The following GLB1L2 variants were observed in gnomAD, a reference collection of about 807,000 sequenced individuals.
GLB1L2 encodes beta-galactosidase-1-like protein 2.
A neutral mutation model predicts 84.1 loss-of-function variants in GLB1L2; 68 were observed. That is an observed-to-expected ratio of 0.81 (90% confidence interval 0.67 to 0.99). The LOEUF (loss-of-function observed/expected upper bound fraction) is 0.99, where lower values mean the gene tolerates loss of function less well. GLB1L2 is among the 50% of genes least tolerant of loss of function. The pLI is 0.00. For synonymous variants in GLB1L2, 290 were observed against 318.0 expected (o/e 0.91, Z 0.94); for missense variants, 762 against 805.6 (o/e 0.95, Z 0.66).
chr11:134,371,860 T>C (rs771781124), intron 15 of GLB1L2, 30 bp downstream of exon 15: 2 of 1,598,274 alleles, frequency 1.3e-6, no homozygotes, highest in African/African-American at 1.3e-5. Flanking sequence ...AAAAGAAGAG[T>C]GGCCATGCTG....
intron 5 of GLB1L2, among the ~76,000 whole-genome samples, chr11:134,351,384 T>G (rs899245159): frequency 1.3e-5 from 2 of 151,294 alleles, no homozygotes; most frequent in South Asian, 4.2e-4. Flanking sequence ...TCCCTCTTGT[T>G]GCTCAGGCTG....
In GLB1L2 at chr11:134,338,997, A is replaced by C. The variant is rs1943428139; in HGVS notation, c.87-3757A>C. Among the ~76,000 whole-genome samples the C allele has an allele frequency of 6.6e-6, 1 of 152,196 alleles. No individual in the cohort carries two copies. Among genetic ancestry groups the C allele is most frequent in the Non-Finnish European group, 1.5e-5 (1 of 68,026 alleles). ...TAAGGTGGAAAAATCGCTTTGGATA[A>C]ATGAAGCCGAGATACATAGGCAACA... On this transcript the variant is annotated intron_variant, in intron 1 of 18. Transcript: ENST00000535456. This position sits in a 1 kb window ranked among gnomAD's most constrained non-coding sequence, Gnocchi z 6.2.
rs1481289550 is a variant in GLB1L2 at position 134,371,737 on chromosome 11, C to T, written c.1429-15C>T. 1 of 1,613,676 alleles carries T rather than the reference C, an allele frequency of 6.2e-7. No homozygotes were observed. The highest frequency in any genetic ancestry group is 1.7e-5 in the Admixed American group (1 of 60,006). On this transcript the variant is annotated splice_polypyrimidine_tract_variant and intron_variant, in intron 14 of 18. Transcript: ENST00000535456. ...GGCCTTCTGACAGTCATCGTTAGCC[C>T]CGTGTTCCCGGCAGGGTTACACCGT...
At position 134,374,786 on chromosome 11, in the gene GLB1L2, G is replaced by A. The variant is rs560571166; in HGVS notation, c.1824+68G>A. On this transcript the variant is annotated intron_variant, in intron 18 of 18. Transcript: ENST00000535456. ...CCACCTGCCGTCCCAGGGAGCCTTCGGTCAGGGTGGAGGGGCGTGTCAGCG... is the reference window on the plus strand; with the variant it reads ...CCACCTGCCGTCCCAGGGAGCCTTCAGTCAGGGTGGAGGGGCGTGTCAGCG... 1.1e-5 allele frequency: 15 copies of A among 1,363,252 alleles called. No individual in the cohort carries two copies. The East Asian group carries it at 1.6e-4, about 15-fold the overall frequency. 84.4% of individuals were successfully genotyped at this position (1,363,252 alleles called of 1,614,324 possible). A position where few individuals can be genotyped will look rare whatever the true frequency, so the allele number is the denominator to read the frequency against.
At chr11:134,332,188 TC>T in intron 1 of GLB1L2, 41 bp downstream of exon 1, 2 of 1,358,916 alleles carry the variant, frequency 1.5e-6, no homozygotes, top group Non-Finnish European at 2.0e-6. Flanking sequence ...GACCCCACAT[TC>T]CCCAGCCCTC....
chr11:134,342,711 C>T (rs1416156069), intron 1 of GLB1L2, 43 bp from the exon 2 acceptor site: 5 of 1,576,718 alleles, frequency 3.2e-6, no homozygotes, highest in Admixed American at 3.5e-5. Flanking sequence ...GATCTCTCTG[C>T]GGCCCGGAGC....
intron 6 of GLB1L2, among the ~76,000 whole-genome samples, chr11:134,358,825 G>A (rs929489303): frequency 2.0e-5 from 3 of 152,276 alleles, no homozygotes; most frequent in Non-Finnish European, 4.4e-5. Context: ...GCAACCAGGG[G>A]CTGCCCTAGT....
intron 9 of GLB1L2, among the ~76,000 whole-genome samples, chr11:134,367,997 G>A (rs79893499): frequency 0.16 from 24,289 of 152,050 alleles, 1,979 homozygotes; most frequent in African/African-American, 0.18. Context: ...CCTCGGCACC[G>A]TGTAGATGTG....
At chr11:134,336,252 T>C (rs1054853452) in intron 1 of GLB1L2, among the ~76,000 whole-genome samples, 1 of 152,140 alleles carries the variant, frequency 6.6e-6, no homozygotes, top group Admixed American at 6.5e-5. Flanking sequence ...ATTTTGTGAG[T>C]AGGCAATTAA....
At chr11:134,372,186 A>G (rs1943963346) in intron 15 of GLB1L2, among the ~76,000 whole-genome samples, 1 of 152,210 alleles carries the variant, frequency 6.6e-6, no homozygotes, top group Admixed American at 6.5e-5. Context: ...GGAAAGGCAC[A>G]AGACCCCTGC....
chr11:134,363,907 T>C (rs1459778201), intron 7 of GLB1L2, among the ~76,000 whole-genome samples: 1 of 152,176 alleles, frequency 6.6e-6, no homozygotes, highest in Non-Finnish European at 1.5e-5. Flanking sequence ...AGACACAGTC[T>C]CACTCTGTCA....
At chr11:134,359,245 C>T (rs1943749544) in intron 7 of GLB1L2, 104 bp downstream of exon 7, 1 of 741,520 alleles carries the variant, frequency 1.3e-6, no homozygotes, top group South Asian at 1.9e-5. Context: ...TCTCTGGTGC[C>T]TGTTATTCTC....
chr11:134,332,137 G>A lies in GLB1L2; in HGVS notation c.76G>A (p.Val26Met), dbSNP rs145833926. 1.5e-5 allele frequency: 23 copies of A among 1,577,022 alleles called. No homozygotes were observed. The highest frequency in any genetic ancestry group is 2.0e-5 in the Non-Finnish European group (23 of 1,162,986). The part of the protein sequence containing the change: ...LLLLVVLGFL[V>M]LRRLDWSTLV... Reference sequence around the variant, plus strand: ...GCTGCTGGTCGTCTTGGGCTTCCTGGTGCTCCGCAGGTGAGAGAGAGCTTC... The same window carrying A: ...GCTGCTGGTCGTCTTGGGCTTCCTGATGCTCCGCAGGTGAGAGAGAGCTTC... The change falls in exon 1 of 19, where the codon GTG (valine) becomes ATG (methionine). Residue 26 changes from valine (V) to methionine (M), a missense_variant. Around this residue, in one of 3 missense-constraint regions of GLB1L2, gnomAD observed 100 missense variants for 88.8 expected, o/e 1.13. Coordinates refer to ENST00000535456, the MANE Select transcript of GLB1L2 (RefSeq NM_001370461.1).
At chr11:134,355,778 G>A (rs572656990) in intron 5 of GLB1L2, among the ~76,000 whole-genome samples, 3 of 152,298 alleles carry the variant, frequency 2.0e-5, no homozygotes, top group Non-Finnish European at 4.4e-5. Flanking sequence ...CTATGTTGAC[G>A]ATTCCTGTTT....
In GLB1L2 at chr11:134,359,148, G is replaced by A. The variant is rs1943747675; in HGVS notation, c.733+7G>A. 1.9e-6 allele frequency: 3 copies of A among 1,590,820 alleles called. No individual in the cohort carries two copies. The highest frequency in any genetic ancestry group is 2.6e-6 in the Non-Finnish European group (3 of 1,167,940). On this transcript the variant is annotated splice_region_variant and intron_variant, in intron 7 of 18. Transcript: ENST00000535456. ...AAGGGGATTGTCCAGGGAGGTAACT[G>A]CACTTGTGTTGGGCCGTGGGGGCTG...
intron 5 of GLB1L2, among the ~76,000 whole-genome samples, chr11:134,348,461 C>T (rs554535571): frequency 1.3e-3 from 192 of 152,270 alleles, no homozygotes; most frequent in Non-Finnish European, 2.4e-3. Context: ...GGATGGCCGT[C>T]CTGGGAGCAG....
chr11:134,359,192 CT>C, intron 7 of GLB1L2, 51 bp downstream of exon 7: 1 of 1,315,282 alleles, frequency 7.6e-7, no homozygotes, highest in Non-Finnish European at 1.1e-6. Flanking sequence ...CCTGGGCTGG[CT>C]GTGCACGCTC....
Position 134,332,248 on chromosome 11 carries a change from G to T in GLB1L2, c.86+101G>T, listed in dbSNP as rs181805821. ...GCGACCCGCGAATCCCGAGTTCCCG[G>T]GGGGAGCAGCCCCAGCTGCTTCTTT... On this transcript the variant is annotated intron_variant, in intron 1 of 18. Coordinates refer to ENST00000535456, the MANE Select transcript of GLB1L2 (RefSeq NM_001370461.1). 1.1e-3 allele frequency: 919 copies of T among 800,876 alleles called. 6 individuals are homozygous for T. In the African/African-American group the frequency reaches 0.013, roughly 11 times the overall value. 49.6% of individuals were successfully genotyped at this position (800,876 alleles called of 1,614,324 possible). A position where few individuals can be genotyped will look rare whatever the true frequency, so the allele number is the denominator to read the frequency against.
In GLB1L2 at chr11:134,332,021, C is replaced by T. The variant is rs1943300641; in HGVS notation, c.-41C>T. On this transcript the variant is annotated 5_prime_UTR_variant, in exon 1 of 19. Coordinates refer to ENST00000535456, the MANE Select transcript of GLB1L2 (RefSeq NM_001370461.1). ...GCTCCCGCGCGCGGCTGAGTGCGGA[C>T]TGGAGTGGGAACCCGGGTCCCCGCG... is the stretch of plus-strand genomic sequence containing the variant. 3 of 1,424,694 alleles carry T rather than the reference C, an allele frequency of 2.1e-6. No homozygotes were observed. Among genetic ancestry groups the T allele is most frequent in the South Asian group, 1.2e-5 (1 of 80,544 alleles). The allele number at this position is 1,424,694 out of a possible 1,614,324, so 88.3% of individuals were successfully genotyped here.
Sources: allele counts gnomAD v4.1 joint callset (sites outside exome capture counted in the v4.1 genomes callset), GRCh38; gene constraint gnomAD v4.1.1; regional missense constraint gnomAD v4.1.1; non-coding constraint Gnocchi (gnomAD v3.1); transcripts MANE v1.5; gene names NCBI Gene and HGNC (gene_info 2026-07-23, HGNC 2026-07-21).